The following ELOVL6 variants were observed in gnomAD, a reference collection of about 807,000 sequenced individuals.
ELOVL6 encodes the protein ELOVL fatty acid elongase 6.
In ELOVL6, 8 loss-of-function variants were observed where a neutral mutation model predicts 31.7. The observed-to-expected ratio is 0.25, with a 90% CI of 0.15 to 0.45. The LOEUF (loss-of-function observed/expected upper bound fraction) is 0.45, where lower values mean the gene tolerates loss of function less well. Among genes scored for constraint, ELOVL6 ranks in the 20% least tolerant of loss-of-function variants. The pLI is 1.00. For missense variants in ELOVL6, 126 were observed against 326.4 expected (o/e 0.39, Z 4.73); for synonymous variants, 101 against 117.7 (o/e 0.86, Z 0.92).
rs771379730 is a variant in ELOVL6, at chr4:110,105,466, A to C, written c.221+31T>G. 5.7e-6 allele frequency: 9 copies of C among 1,575,332 alleles called. No homozygotes were observed. In the South Asian group the frequency reaches 9.4e-5, roughly 16 times the overall value. On this transcript the variant is annotated intron_variant, in intron 2 of 3. Coordinates refer to ENST00000302274, the MANE Select transcript of ELOVL6 (RefSeq NM_024090.3). ...TCTTTCAGCAAGTGATAAAATGGAT[A>C]CGTTTTATTAGAAAAATGAAAAAAA...
At chr4:110,169,166 T>C (rs1758865737) in intron 1 of ELOVL6, among the ~76,000 whole-genome samples, 1 of 151,818 alleles carries the variant, frequency 6.6e-6, no homozygotes, top group Non-Finnish European at 1.5e-5. Context: ...CCACCCACCT[T>C]GGCCTCCCAA....
In ELOVL6 at chr4:110,129,394, C is replaced by T. The variant is rs147686279; in HGVS notation, c.90-23766G>A. On this transcript the variant is annotated intron_variant, in intron 1 of 3. Transcript: ENST00000302274. ...AGGATAGATGTTATAGTAAGTGATA[C>T]ACCCCACAAGACGTTCTTTGATTGG... 3.3e-4 allele frequency among the ~76,000 whole-genome samples: 51 copies of T among 152,270 alleles called. 2 individuals carry two copies. In the South Asian group the frequency reaches 7.9e-3, roughly 24 times the overall value.
intron 2 of ELOVL6, among the ~76,000 whole-genome samples, chr4:110,094,039 C>G (rs1682159220): frequency 6.6e-6 from 1 of 151,904 alleles, no homozygotes; most frequent in African/African-American, 2.4e-5. Context: ...TTACTGAGGT[C>G]AGGAGTTTGA....
At chr4:110,058,804 AC>A (rs1396470063) in intron 3 of ELOVL6, among the ~76,000 whole-genome samples, 1 of 152,278 alleles carries the variant, frequency 6.6e-6, no homozygotes, top group African/African-American at 2.4e-5. Context: ...CCCAGAGGTG[AC>A]CAGGTTTGCC....
At chr4:110,098,266 G>A (rs1219954235) in intron 2 of ELOVL6, among the ~76,000 whole-genome samples, 1 of 150,958 alleles carries the variant, frequency 6.6e-6, no homozygotes, top group Non-Finnish European at 1.5e-5. Flanking sequence ...GGTGGGATAG[G>A]TAGAGAATGA....
At chr4:110,189,592 CAAAAA>C (rs761765202) in intron 1 of ELOVL6, among the ~76,000 whole-genome samples, 600 of 75,314 alleles carry the variant, frequency 8.0e-3, no homozygotes, top group African/African-American at 0.031. Flanking sequence ...GACTCTGTCT[CAAAAA>C]AAAAAAAAAA....
rs953889612 is a variant in ELOVL6 at position 110,164,216 on chromosome 4, G to T, written c.89+34031C>A. Among the ~76,000 whole-genome samples, 19 of 152,212 alleles carry T rather than the reference G, an allele frequency of 1.2e-4. 1 individual carries two copies. Among genetic ancestry groups the T allele is most frequent in the Admixed American group, 9.8e-4 (15 of 15,298 alleles). On this transcript the variant is annotated intron_variant, in intron 1 of 3. Transcript: ENST00000302274. ...GGGGCCTAGGGAGGTTAATGAATGT[G>T]CTCAAGTTCACCAAGTCATTAAGTA...
At chr4:110,181,867 G>A (rs911653184) in intron 1 of ELOVL6, among the ~76,000 whole-genome samples, 48 of 152,280 alleles carry the variant, frequency 3.2e-4, no homozygotes, top group African/African-American at 1.2e-3. Context: ...CCTGGCCTCT[G>A]GACTAGACAG....
chr4:110,126,222 T>G (rs1757491551), intron 1 of ELOVL6, among the ~76,000 whole-genome samples: 1 of 152,090 alleles, frequency 6.6e-6, no homozygotes, highest in Non-Finnish European at 1.5e-5. Context: ...TTTTGTATTT[T>G]TTGTAGAGAT....
intron 1 of ELOVL6, chr4:110,146,375 T>C (rs1035626915): frequency 6.6e-6 from 1 of 152,110 alleles, no homozygotes; most frequent in Non-Finnish European, 1.5e-5. Context: ...TCTTCCTCTA[T>C]GCAGCCTGAG....
chr4:110,091,819 G>A (rs1028968684), intron 2 of ELOVL6, among the ~76,000 whole-genome samples: 12 of 152,160 alleles, frequency 7.9e-5, no homozygotes, highest in African/African-American at 1.7e-4. Flanking sequence ...AAAGAAAATC[G>A]TTGCTTTATA....
At chr4:110,152,258 C>T (rs967082840) in intron 1 of ELOVL6, among the ~76,000 whole-genome samples, 3 of 152,186 alleles carry the variant, frequency 2.0e-5, no homozygotes, top group African/African-American at 7.2e-5. Flanking sequence ...GGACACTTCT[C>T]TTTGCAGAGA....
chr4:110,084,553 C>CAG (rs1560815725), intron 2 of ELOVL6, among the ~76,000 whole-genome samples: 4 of 57,934 alleles, frequency 6.9e-5, no homozygotes, highest in Admixed American at 2.0e-4. Context: ...CACACACACA[C>CAG]ACACACACAG....
chr4:110,153,373 C>T (rs1488085044), intron 1 of ELOVL6, among the ~76,000 whole-genome samples: 1 of 152,124 alleles, frequency 6.6e-6, no homozygotes, highest in Non-Finnish European at 1.5e-5. Flanking sequence ...TTACTACCTA[C>T]TTATCTCTTT....
chr4:110,164,958 C>T (rs1439383997), intron 1 of ELOVL6, among the ~76,000 whole-genome samples: 4 of 151,928 alleles, frequency 2.6e-5, no homozygotes, highest in African/African-American at 7.3e-5. Flanking sequence ...CCCACCTCAA[C>T]CTCTCGAGGA....
At chr4:110,147,507 G>A (rs572831410) in intron 1 of ELOVL6, among the ~76,000 whole-genome samples, 2 of 152,214 alleles carry the variant, frequency 1.3e-5, no homozygotes, top group Non-Finnish European at 2.9e-5. Context: ...TGGAATGGGA[G>A]AAAATATTTG....
At chr4:110,157,709 A>T (rs532148285) in intron 1 of ELOVL6, among the ~76,000 whole-genome samples, 1 of 152,332 alleles carries the variant, frequency 6.6e-6, no homozygotes, top group South Asian at 2.1e-4. Flanking sequence ...TATTTCCTTA[A>T]GAAAATCATC....
intron 2 of ELOVL6, among the ~76,000 whole-genome samples, chr4:110,092,007 T>C (rs1756440960): frequency 6.6e-6 from 1 of 152,180 alleles, no homozygotes; most frequent in African/African-American, 2.4e-5. Flanking sequence ...GCATAACAAT[T>C]TAGTTATAAG....
chr4:110,168,336 G>A (rs1025084230), intron 1 of ELOVL6, among the ~76,000 whole-genome samples: 1 of 151,920 alleles, frequency 6.6e-6, no homozygotes, highest in African/African-American at 2.4e-5. Flanking sequence ...GCAACAAGGC[G>A]AAACCCCGTC....
Sources: allele counts gnomAD v4.1 joint callset (sites outside exome capture counted in the v4.1 genomes callset), GRCh38; gene constraint gnomAD v4.1.1; transcripts MANE v1.5; gene names NCBI Gene and HGNC (gene_info 2026-07-23, HGNC 2026-07-21).